PAPPA2: variants seen among roughly 807,000 people sequenced by gnomAD.
PAPPA2 encodes the protein pappalysin 2.
Under a neutral mutation model 176.4 loss-of-function variants are expected in PAPPA2, and 86 were observed. That is an observed-to-expected ratio of 0.49 (90% confidence interval 0.41 to 0.58). The LOEUF (loss-of-function observed/expected upper bound fraction) is 0.58, where lower values mean the gene tolerates loss of function less well. Ranked by LOEUF, PAPPA2 falls within the 20% of genes least tolerant of loss-of-function variation. The pLI is 0.00. For missense variants in PAPPA2, 2,073 were observed against 2,256.9 expected (o/e 0.92, Z 1.65); for synonymous variants, 809 against 852.2 (o/e 0.95, Z 0.88).
intron 2 of PAPPA2, among the ~76,000 whole-genome samples, chr1:176,587,601 G>C (rs945131699): frequency 2.6e-5 from 4 of 152,182 alleles, no homozygotes; most frequent in Non-Finnish European, 5.9e-5. Context: ...GGTTGTAGAT[G>C]TGTGGTGTGA....
At chr1:176,797,319 A>G (rs1020474178) in intron 20 of PAPPA2, among the ~76,000 whole-genome samples, 4 of 152,204 alleles carry the variant, frequency 2.6e-5, no homozygotes, top group African/African-American at 9.6e-5. Flanking sequence ...ATAGCTTTAT[A>G]TGATTGTAAT....
chr1:176,684,545 A>AC (rs942944038), intron 4 of PAPPA2, among the ~76,000 whole-genome samples: 4 of 151,338 alleles, frequency 2.6e-5, no homozygotes, highest in East Asian at 1.9e-4. Context: ...TCTCGTCCCT[A>AC]CCCCCCCACT....
chr1:176,757,394 C>A (rs1663479299), intron 14 of PAPPA2, among the ~76,000 whole-genome samples: 1 of 152,212 alleles, frequency 6.6e-6, no homozygotes, highest in African/African-American at 2.4e-5. Context: ...TTAATGATCA[C>A]CATTCTAACT....
intron 21 of PAPPA2, among the ~76,000 whole-genome samples, chr1:176,829,815 A>T (rs1571389997): frequency 6.6e-6 from 1 of 152,332 alleles, no homozygotes; most frequent in East Asian, 1.9e-4. Flanking sequence ...AAGGGCCCAG[A>T]GAGGAGGGGC....
intron 1 of PAPPA2, among the ~76,000 whole-genome samples, chr1:176,527,066 C>A (rs1485362727): frequency 1.3e-5 from 2 of 152,170 alleles, no homozygotes; most frequent in African/African-American, 2.4e-5. Context: ...CCTGCCTTGG[C>A]CTCCTGAAGT....
rs538447973 is a variant in PAPPA2 at position 176,502,516 on chromosome 1, T to C, written c.-917+39098T>C. On this transcript the variant is annotated intron_variant, in intron 1 of 22. Coordinates refer to ENST00000367662, the MANE Select transcript of PAPPA2 (RefSeq NM_020318.3). ...CCAAATAAGCTTGTATGTATTATTC[T>C]TAATAGTATCCTTACCTGTGTCTTG... Among the ~76,000 whole-genome samples the C allele has an allele frequency of 1.5e-4, 23 of 152,318 alleles. 1 individual carries two copies. The highest frequency in any genetic ancestry group is 4.8e-4 in the African/African-American group (20 of 41,576).
chr1:176,668,519 C>G (rs1209560430), intron 3 of PAPPA2, among the ~76,000 whole-genome samples: 1 of 152,106 alleles, frequency 6.6e-6, no homozygotes, highest in African/African-American at 2.4e-5. Context: ...TTTTCCTCAT[C>G]CTAAGCCTAT....
intron 17 of PAPPA2, among the ~76,000 whole-genome samples, chr1:176,771,421 G>A (rs931252105): frequency 1.1e-4 from 17 of 152,252 alleles, no homozygotes; most frequent in Non-Finnish European, 2.1e-4. Flanking sequence ...AGTTAGCAGC[G>A]TCTCAGGTGT....
At chr1:176,646,134 T>C (rs1007845106) in intron 3 of PAPPA2, among the ~76,000 whole-genome samples, 1 of 151,654 alleles carries the variant, frequency 6.6e-6, no homozygotes, top group African/African-American at 2.4e-5. Context: ...TTGCCTGTGA[T>C]TTTGAGGTTT....
At chr1:176,768,812 C>T (rs1222373899) in intron 15 of PAPPA2, among the ~76,000 whole-genome samples, 2 of 152,126 alleles carry the variant, frequency 1.3e-5, no homozygotes, top group East Asian at 1.9e-4. Context: ...TCACATTTAA[C>T]CACAAGGTTT....
intron 12 of PAPPA2, among the ~76,000 whole-genome samples, chr1:176,731,252 T>C (rs1662125722): frequency 6.6e-6 from 1 of 152,092 alleles, no homozygotes; most frequent in South Asian, 2.1e-4. Flanking sequence ...TCATTTTTTA[T>C]TTTCTTATAA....
At chr1:176,722,554 C>T (rs1352951976) in intron 12 of PAPPA2, among the ~76,000 whole-genome samples, 1 of 151,016 alleles carries the variant, frequency 6.6e-6, no homozygotes, top group African/African-American at 2.4e-5. Context: ...AGCAGTGTGT[C>T]TGCTAAAAAC....
intron 1 of PAPPA2, among the ~76,000 whole-genome samples, chr1:176,477,839 CTAAAGG>C (rs1403266824): frequency 1.3e-5 from 2 of 152,088 alleles, no homozygotes; most frequent in Non-Finnish European, 2.9e-5. Context: ...TTATGACCCA[CTAAAGG>C]GGCTCAACCC....
chr1:176,711,612 G>A lies in PAPPA2; in HGVS notation c.3652-223G>A, dbSNP rs374732126. 1.4e-3 allele frequency among the ~76,000 whole-genome samples: 211 copies of A among 152,266 alleles called. 1 individual carries two copies. Among genetic ancestry groups the A allele is most frequent in the African/African-American group, 4.6e-3 (193 of 41,550 alleles). On this transcript the variant is annotated intron_variant, in intron 11 of 22. Transcript: ENST00000367662. Reference sequence around the variant, plus strand: ...CAGTGTGTAAGACCCCTGGGCCGATGATAAACGAGAGTTGTTGTGTTTTCT... The same window carrying A: ...CAGTGTGTAAGACCCCTGGGCCGATAATAAACGAGAGTTGTTGTGTTTTCT...
chr1:176,463,506 G>C (rs1451383773), intron 1 of PAPPA2, 88 bp downstream of exon 1: 1 of 152,340 alleles, frequency 6.6e-6, no homozygotes, highest in South Asian at 2.1e-4. Context: ...GCTTGTGCAG[G>C]GGGGTGTTAG....
At chr1:176,646,781 C>T (rs570150763) in intron 3 of PAPPA2, among the ~76,000 whole-genome samples, 4 of 151,472 alleles carry the variant, frequency 2.6e-5, no homozygotes, top group East Asian at 2.0e-4. Flanking sequence ...ATTGCATCTA[C>T]GTATCACATT....
intron 1 of PAPPA2, among the ~76,000 whole-genome samples, chr1:176,467,015 G>C (rs1331699435): frequency 6.6e-6 from 1 of 152,142 alleles, no homozygotes; most frequent in African/African-American, 2.4e-5. Context: ...TATGTTCTGA[G>C]AAATGCATCG....
intron 12 of PAPPA2, among the ~76,000 whole-genome samples, chr1:176,722,136 A>G (rs1437817007): frequency 1.3e-5 from 2 of 152,154 alleles, no homozygotes; most frequent in Non-Finnish European, 2.9e-5. Flanking sequence ...ATTTAAAAAC[A>G]TATTAATCAC....
intron 12 of PAPPA2, among the ~76,000 whole-genome samples, chr1:176,724,694 A>G (rs900710109): frequency 5.3e-5 from 8 of 152,224 alleles, no homozygotes; most frequent in African/African-American, 1.9e-4. Context: ...TCGACTCTCC[A>G]AACACTGACT....
Sources: allele counts gnomAD v4.1 joint callset (sites outside exome capture counted in the v4.1 genomes callset), GRCh38; gene constraint gnomAD v4.1.1; transcripts MANE v1.5; gene names NCBI Gene and HGNC (gene_info 2026-07-23, HGNC 2026-07-21).